Variants in FMN2 observed in about 807,000 individuals in gnomAD.
The protein encoded by FMN2 is formin-2.
In FMN2, 51 loss-of-function variants were observed where a neutral mutation model predicts 142.3. That is an observed-to-expected ratio of 0.36 (90% CI 0.29 to 0.45). The LOEUF is 0.45. Ranked by LOEUF, FMN2 falls within the 20% of genes least tolerant of loss-of-function variation. The probability of loss-of-function intolerance (pLI) is 1.00; values close to 1 mark genes in which losing one functional copy is unlikely to be tolerated. For missense variants in FMN2, 1,936 were observed against 2,122.8 expected, an observed-to-expected ratio of 0.91 and a Z score of 1.73; for synonymous variants, 882 against 869.8, an observed-to-expected ratio of 1.01 and a Z score of -0.25.
At chr1:240,339,660 A>G (rs1020273854) in intron 13 of FMN2, among the ~76,000 whole-genome samples, 1 of 152,142 alleles carries the variant, frequency 6.6e-6, no homozygotes, top group Non-Finnish European at 1.5e-5. Context: ...AGAAGAAAAC[A>G]TTTGTATTTC....
chr1:240,261,924 A>G (rs1668647648), intron 7 of FMN2, among the ~76,000 whole-genome samples: 1 of 152,150 alleles, frequency 6.6e-6, no homozygotes. Flanking sequence ...AGTGCCTTCC[A>G]GAGAAGATTT....
At chr1:240,293,940 T>G (rs1669879033) in intron 7 of FMN2, among the ~76,000 whole-genome samples, 2 of 152,184 alleles carry the variant, frequency 1.3e-5, no homozygotes, top group Admixed American at 1.3e-4. Context: ...AGAAGAGACA[T>G]TGTAAAATGC....
intron 7 of FMN2, among the ~76,000 whole-genome samples, chr1:240,273,163 G>A (rs1254343809): frequency 6.6e-6 from 1 of 152,150 alleles, no homozygotes; most frequent in Non-Finnish European, 1.5e-5. Context: ...GAGAATTTCT[G>A]AATTGAGGAA....
At chr1:240,452,098 GGA>G (rs1398734268) in intron 16 of FMN2, among the ~76,000 whole-genome samples, 5 of 152,156 alleles carry the variant, frequency 3.3e-5, no homozygotes, top group Admixed American at 1.3e-4. Flanking sequence ...GGCTGAGGCA[GGA>G]GAGTCACTTG....
intron 15 of FMN2, among the ~76,000 whole-genome samples, chr1:240,414,668 G>A (rs1674519173): frequency 6.6e-6 from 1 of 152,134 alleles, no homozygotes; most frequent in African/African-American, 2.4e-5. Context: ...TTTGTAAACT[G>A]TATGGCAACA....
intron 16 of FMN2, chr1:240,459,580 G>T (rs1676366850): frequency 6.6e-6 from 1 of 152,010 alleles, no homozygotes; most frequent in Non-Finnish European, 1.5e-5. Flanking sequence ...AGCTGGGTGT[G>T]GTGGCATGCA....
chr1:240,277,101 C>G (rs1391304558), intron 7 of FMN2, among the ~76,000 whole-genome samples: 4 of 152,014 alleles, frequency 2.6e-5, no homozygotes, highest in Admixed American at 1.3e-4. Context: ...TCCTAACATT[C>G]ATGTAAAGAT....
At chr1:240,228,303 CAAAAAAAAAAAAA>C (rs577421634) in intron 6 of FMN2, among the ~76,000 whole-genome samples, 53 of 47,740 alleles carry the variant, frequency 1.1e-3, no homozygotes, top group Admixed American at 3.7e-3. Flanking sequence ...AACTCTGTCT[CAAAAAAAAAAAAA>C]AAAAAAAAAA....
chr1:240,116,327 G>C (rs1228955303), intron 1 of FMN2, among the ~76,000 whole-genome samples: 3 of 152,122 alleles, frequency 2.0e-5, no homozygotes, highest in African/African-American at 7.2e-5. Context: ...AGGTCTGCCC[G>C]GTTTCAAAGA....
chr1:240,181,666 A>G (rs780256365), intron 3 of FMN2, among the ~76,000 whole-genome samples: 75 of 152,324 alleles, frequency 4.9e-4, no homozygotes, highest in Non-Finnish European at 8.5e-4. Context: ...TGAAGTCTGC[A>G]GAACACCCCT....
chr1:240,306,018 C>A (rs536229041), intron 8 of FMN2, among the ~76,000 whole-genome samples: 1 of 147,688 alleles, frequency 6.8e-6, no homozygotes, highest in Non-Finnish European at 1.5e-5. Context: ...GACGTGATCT[C>A]GGCTCACTGC....
chr1:240,473,075 C>T lies in FMN2; in HGVS notation c.5142+622C>T, dbSNP rs1160203288. 3.3e-5 allele frequency among the ~76,000 whole-genome samples: 5 copies of T among 151,976 alleles called. No homozygotes were observed. The highest frequency in any genetic ancestry group is 9.7e-5 in the African/African-American group (4 of 41,348). Reference sequence around the variant, plus strand: ...CACTTTCTTTGTTACACACAGATCACGGCAGAGGCTGTATTTGAGCCACGA... The same window carrying T: ...CACTTTCTTTGTTACACACAGATCATGGCAGAGGCTGTATTTGAGCCACGA... On this transcript the variant is annotated intron_variant, in intron 17 of 17. Transcript: ENST00000319653. This position sits in a 1 kb window ranked among gnomAD's most constrained non-coding sequence, Gnocchi z 4.3.
At chr1:240,307,883 A>G (rs1378601837) in intron 8 of FMN2, among the ~76,000 whole-genome samples, 3 of 152,136 alleles carry the variant, frequency 2.0e-5, no homozygotes, top group African/African-American at 4.8e-5. Flanking sequence ...ATGCTTTTCC[A>G]TTTGTTTGTG....
intron 1 of FMN2, among the ~76,000 whole-genome samples, chr1:240,095,324 T>G (rs1023589205): frequency 6.6e-6 from 1 of 152,106 alleles, no homozygotes; most frequent in African/African-American, 2.4e-5. Context: ...TTTGGAAATT[T>G]ATTTATTTCA....
intron 16 of FMN2, among the ~76,000 whole-genome samples, chr1:240,446,467 T>C (rs1675819742): frequency 6.6e-6 from 1 of 152,206 alleles, no homozygotes; most frequent in African/African-American, 2.4e-5. Flanking sequence ...AAAAGGGTTT[T>C]TTGATGTCAT....
chr1:240,394,689 C>T (rs574636545), intron 15 of FMN2, among the ~76,000 whole-genome samples: 4 of 152,230 alleles, frequency 2.6e-5, no homozygotes, highest in South Asian at 4.2e-4. Context: ...AGAACAGGGT[C>T]GGGCGTGGTG....
At chr1:240,300,118 G>C (rs1670147322) in intron 8 of FMN2, among the ~76,000 whole-genome samples, 1 of 152,126 alleles carries the variant, frequency 6.6e-6, no homozygotes, top group African/African-American at 2.4e-5. Flanking sequence ...AATCACACAA[G>C]GGTATACCAG....
intron 15 of FMN2, among the ~76,000 whole-genome samples, chr1:240,436,008 A>G (rs1675354991): frequency 6.6e-6 from 1 of 152,216 alleles, no homozygotes; most frequent in South Asian, 2.1e-4. Context: ...GAAAATGACC[A>G]GTTTTCCGAG....
chr1:240,217,423 CATAAA>C (rs889210300), intron 6 of FMN2, among the ~76,000 whole-genome samples: 35 of 152,056 alleles, frequency 2.3e-4, no homozygotes, highest in African/African-American at 7.0e-4. Flanking sequence ...TGACCAAAGA[CATAAA>C]ATAATGTCTG....
Sources: gnomAD v4.1 joint callset for allele counts (sites outside exome capture counted in the v4.1 genomes callset) on GRCh38, gnomAD v4.1.1 for gene constraint, Gnocchi (gnomAD v3.1) non-coding constraint, MANE v1.5 for transcripts, NCBI Gene and HGNC (gene_info 2026-07-23, HGNC 2026-07-21) for gene names.